RGS22: variants seen among roughly 807,000 people sequenced by gnomAD.
RGS22 encodes the protein regulator of G protein signaling 22.
A neutral mutation model predicts 172.9 loss-of-function variants in RGS22; 148 were observed. The ratio of observed to expected loss-of-function variants is 0.86; its 90% CI spans 0.75 to 0.98. The LOEUF (loss-of-function observed/expected upper bound fraction) is 0.98, where lower values mean the gene tolerates loss of function less well. Ranked by LOEUF, RGS22 falls within the 50% of genes least tolerant of loss-of-function variation. RGS22 has a pLI of 0.00. For missense variants in RGS22, 1,347 were observed against 1,440.8 expected, an observed-to-expected ratio of 0.93 and a Z score of 1.05; for synonymous variants, 458 against 480.2, an observed-to-expected ratio of 0.95 and a Z score of 0.60.
rs1323886935 is a variant in RGS22, at chr8:100,013,295, C to CT, written c.2167-4727dup. Among the ~76,000 whole-genome samples, 14 of 151,930 alleles carry CT rather than the reference C, an allele frequency of 9.2e-5. 1 individual carries two copies. Among genetic ancestry groups the CT allele is most frequent in the Non-Finnish European group, 1.5e-5 (1 of 67,954 alleles). ...TAAGCCATCGCGCCTGGCCTGATTTCTTTTTTTAAATGAGAACAGAGAAGA... is the reference window on the plus strand; with the variant it reads ...TAAGCCATCGCGCCTGGCCTGATTTCTTTTTTTTAAATGAGAACAGAGAAGA... On this transcript the variant is annotated intron_variant, in intron 14 of 27. Transcript: ENST00000360863.
chr8:100,015,966 C>T (rs1354459382), intron 14 of RGS22, among the ~76,000 whole-genome samples: 1 of 152,154 alleles, frequency 6.6e-6, no homozygotes, highest in Non-Finnish European at 1.5e-5. Flanking sequence ...TCTAAGCCTA[C>T]TGTCTTGGCA....
At chr8:100,002,828 G>T (rs2131336033) in intron 17 of RGS22, 1 of 155,998 alleles carries the variant, frequency 6.4e-6, no homozygotes, top group Admixed American at 6.5e-5. Flanking sequence ...GGCCAAGGCA[G>T]GCAGGCAGAT....
intron 23 of RGS22, among the ~76,000 whole-genome samples, chr8:99,972,070 G>A (rs1360321902): frequency 6.6e-6 from 1 of 152,104 alleles, no homozygotes; most frequent in African/African-American, 2.4e-5. Flanking sequence ...CAATGGAACA[G>A]AACAGAGGCC....
chr8:100,074,958 G>C (rs1013663372), intron 4 of RGS22, among the ~76,000 whole-genome samples: 1 of 151,998 alleles, frequency 6.6e-6, no homozygotes, highest in Non-Finnish European at 1.5e-5. Flanking sequence ...TTTTGGTAGA[G>C]ACGGAGTTTC....
intron 3 of RGS22, among the ~76,000 whole-genome samples, chr8:100,086,695 CT>C (rs1406245774): frequency 1.3e-5 from 2 of 151,964 alleles, no homozygotes; most frequent in Non-Finnish European, 2.9e-5. Context: ...ATGTACACCC[CT>C]GAATCTAAAA....
intron 10 of RGS22, among the ~76,000 whole-genome samples, chr8:100,051,440 ATT>A (rs1303585280): frequency 2.0e-5 from 2 of 100,770 alleles, no homozygotes; most frequent in African/African-American, 8.1e-5. Flanking sequence ...ATATTTATAT[ATT>A]TATTTATATT....
intron 6 of RGS22, among the ~76,000 whole-genome samples, chr8:100,068,679 A>G (rs1810718728): frequency 6.6e-6 from 1 of 152,070 alleles, no homozygotes; most frequent in Non-Finnish European, 1.5e-5. Context: ...CGCCTGTAAT[A>G]CCAACTCTTT....
At chr8:100,007,710 G>A (rs1200797028) in intron 15 of RGS22, among the ~76,000 whole-genome samples, 5 of 151,380 alleles carry the variant, frequency 3.3e-5, no homozygotes, top group African/African-American at 1.2e-4. Flanking sequence ...TCTCTACTCT[G>A]ACATACTTGT....
chr8:100,001,570 T>C (rs1337323501), intron 18 of RGS22, among the ~76,000 whole-genome samples: 1 of 152,172 alleles, frequency 6.6e-6, no homozygotes, highest in African/African-American at 2.4e-5. Context: ...AATGACACTG[T>C]AGTTATTTAG....
chr8:99,971,405 G>C (rs1472086705), intron 23 of RGS22, among the ~76,000 whole-genome samples: 5 of 152,050 alleles, frequency 3.3e-5, no homozygotes, highest in Admixed American at 1.3e-4. Context: ...AGAAATAAAG[G>C]GTATTCAAAT....
At chr8:100,050,827 CTCAT>C (rs1821197430) in intron 10 of RGS22, 1 of 152,196 alleles carries the variant, frequency 6.6e-6, no homozygotes. Context: ...CTACTTCTCA[CTCAT>C]TCATTCAATT....
intron 3 of RGS22, among the ~76,000 whole-genome samples, chr8:100,085,141 T>C (rs1295486437): frequency 1.3e-5 from 2 of 152,330 alleles, no homozygotes; most frequent in African/African-American, 4.8e-5. Flanking sequence ...GTGCTTTCCA[T>C]GTTTGATACT....
At chr8:99,966,858 C>T (rs1415168240) in intron 23 of RGS22, among the ~76,000 whole-genome samples, 1 of 152,192 alleles carries the variant, frequency 6.6e-6, no homozygotes, top group African/African-American at 2.4e-5. Context: ...TCCTTACTGC[C>T]TTCTATCCCC....
chr8:99,999,423 A>C lies in RGS22; in HGVS notation c.2791-3T>G. ...CAGCCACCACTTAAATGCATTACCT[A>C]AGAAAATTAAGATGGAAACAGAAAC... On this transcript the variant is annotated splice_polypyrimidine_tract_variant and splice_region_variant and intron_variant, in intron 18 of 27. Transcript: ENST00000360863. The C allele has an allele frequency of 6.2e-7, 1 of 1,610,318 alleles. No homozygotes were observed. Among genetic ancestry groups the C allele is most frequent in the Non-Finnish European group, 8.5e-7 (1 of 1,178,806 alleles).
chr8:99,969,195 G>A (rs140446988), intron 23 of RGS22, among the ~76,000 whole-genome samples: 293 of 152,274 alleles, frequency 1.9e-3, no homozygotes, highest in African/African-American at 6.7e-3. Flanking sequence ...AAATGCTGAG[G>A]GATTGTGTCA....
intron 3 of RGS22, chr8:100,093,217 A>C: frequency 2.4e-6 from 1 of 417,782 alleles, no homozygotes; most frequent in Non-Finnish European, 4.3e-6. Context: ...GTTTGTACAG[A>C]ATGCTTTTTA....
intron 10 of RGS22, among the ~76,000 whole-genome samples, chr8:100,048,973 A>C (rs1191164738): frequency 6.6e-6 from 1 of 152,192 alleles, no homozygotes; most frequent in Non-Finnish European, 1.5e-5. Context: ...AAGATGACAA[A>C]TTTTATGTGT....
At chr8:99,975,283 C>T (rs1301637132) in intron 23 of RGS22, among the ~76,000 whole-genome samples, 1 of 152,112 alleles carries the variant, frequency 6.6e-6, no homozygotes, top group African/African-American at 2.4e-5. Context: ...GTTGAACCAA[C>T]ATCTGATAAA....
intron 10 of RGS22, among the ~76,000 whole-genome samples, chr8:100,052,364 C>T (rs577797646): frequency 4.0e-5 from 6 of 149,424 alleles, no homozygotes; most frequent in African/African-American, 1.2e-4. Flanking sequence ...TGCAGTGGCG[C>T]TATCTCGGCT....
Sources: gnomAD v4.1 joint callset for allele counts (sites outside exome capture counted in the v4.1 genomes callset) on GRCh38, gnomAD v4.1.1 for gene constraint, MANE v1.5 for transcripts, NCBI Gene and HGNC (gene_info 2026-07-23, HGNC 2026-07-21) for gene names.